Variants in CTNNA2 observed in about 807,000 individuals in gnomAD.
CTNNA2 encodes catenin alpha-2.
In CTNNA2, 42 loss-of-function variants were observed where a neutral mutation model predicts 101.0. The ratio of observed to expected loss-of-function variants is 0.42; its 90% CI spans 0.32 to 0.54. CTNNA2 has a LOEUF of 0.54. CTNNA2 is among the 20% of genes least tolerant of loss of function. The probability of loss-of-function intolerance (pLI) is 0.14; values close to 1 mark genes in which losing one functional copy is unlikely to be tolerated. For synonymous variants in CTNNA2, 450 were observed against 456.4 expected, an observed-to-expected ratio of 0.99 and a Z score of 0.18; for missense variants, 871 against 1,223.1, an observed-to-expected ratio of 0.71 and a Z score of 4.29.
chr2:80,476,383 G>C (rs1685731104), intron 9 of CTNNA2, among the ~76,000 whole-genome samples: 1 of 152,018 alleles, frequency 6.6e-6, no homozygotes, highest in Non-Finnish European at 1.5e-5. Context: ...ACTTCTCCAG[G>C]GGAAAAGGTG....
intron 7 of CTNNA2, among the ~76,000 whole-genome samples, chr2:80,012,001 C>G (rs898835317): frequency 1.3e-5 from 2 of 152,090 alleles, no homozygotes. Context: ...ATTACTGGGG[C>G]GATAACTTGA....
chr2:79,800,130 C>A (rs1384560925), intron 3 of CTNNA2, among the ~76,000 whole-genome samples: 1 of 152,106 alleles, frequency 6.6e-6, no homozygotes, highest in African/African-American at 2.4e-5. Context: ...AAATAAAATA[C>A]AAGAGAACTC....
chr2:79,289,617 C>A (rs977427671), intron 2 of CTNNA2, among the ~76,000 whole-genome samples: 1 of 152,038 alleles, frequency 6.6e-6, no homozygotes, highest in African/African-American at 2.4e-5. Context: ...TAGTGATGTG[C>A]GCCTGTAATC....
intron 7 of CTNNA2, among the ~76,000 whole-genome samples, chr2:79,999,920 C>G (rs1000715145): frequency 6.6e-6 from 1 of 152,104 alleles, no homozygotes; most frequent in African/African-American, 2.4e-5. Context: ...AATTTTAACT[C>G]AGCAGAATGT....
chr2:80,621,747 T>C (rs1342349251), intron 18 of CTNNA2, among the ~76,000 whole-genome samples: 1 of 142,516 alleles, frequency 7.0e-6, no homozygotes, highest in African/African-American at 2.4e-5. Context: ...TATGGAACTA[T>C]GTACTATGGG....
chr2:79,774,924 T>C (rs1326856051), intron 3 of CTNNA2, among the ~76,000 whole-genome samples: 1 of 152,212 alleles, frequency 6.6e-6, no homozygotes, highest in Non-Finnish European at 1.5e-5. Context: ...ATTGTTCCTA[T>C]ATTGCAGATT....
intron 9 of CTNNA2, among the ~76,000 whole-genome samples, chr2:80,468,233 A>G (rs1257739960): frequency 6.6e-6 from 1 of 152,162 alleles, no homozygotes; most frequent in Non-Finnish European, 1.5e-5. Flanking sequence ...AATAAACTAA[A>G]TACAATTTAA....
At chr2:79,220,715 A>T (rs975960581) in intron 2 of CTNNA2, among the ~76,000 whole-genome samples, 1 of 152,156 alleles carries the variant, frequency 6.6e-6, no homozygotes, top group Non-Finnish European at 1.5e-5. Context: ...GAAACTGGGA[A>T]ATTGAAAAAA....
chr2:80,630,347 C>T (rs1283658649), intron 18 of CTNNA2, among the ~76,000 whole-genome samples: 2 of 152,126 alleles, frequency 1.3e-5, no homozygotes, highest in African/African-American at 2.4e-5. Context: ...GTCTCTCTGT[C>T]TCTCTGTACA....
At chr2:80,075,683 A>AAT in intron 7 of CTNNA2, among the ~76,000 whole-genome samples, 1 of 80,322 alleles carries the variant, frequency 1.2e-5, no homozygotes, top group African/African-American at 5.4e-5. Context: ...AATATTATAA[A>AAT]AATAATATTT....
chr2:79,432,212 G>T lies in CTNNA2; in HGVS notation c.-135+58199G>T, dbSNP rs1678666131. 1.3e-5 allele frequency among the ~76,000 whole-genome samples: 2 copies of T among 152,120 alleles called. 1 individual carries two copies. Among genetic ancestry groups the T allele is most frequent in the South Asian group, 4.1e-4 (2 of 4,824 alleles). On this transcript the variant is annotated intron_variant, in intron 4 of 21. Coordinates refer to the CTNNA2 transcript ENST00000466387. ...TTATAATACTAGGATGGAACGACAA[G>T]TATTTGCAAAGTACGATTATGATAA...
At chr2:79,563,452 A>G (rs1674919140) in intron 1 of CTNNA2, among the ~76,000 whole-genome samples, 3 of 151,984 alleles carry the variant, frequency 2.0e-5, no homozygotes, top group Non-Finnish European at 2.9e-5. Context: ...TTTCAGGTTC[A>G]CTGTATAGGG....
At chr2:79,615,809 C>A (rs182330627) in intron 1 of CTNNA2, among the ~76,000 whole-genome samples, 2 of 152,068 alleles carry the variant, frequency 1.3e-5, no homozygotes, top group Non-Finnish European at 2.9e-5. Context: ...GAACCATTTC[C>A]GCAATATGAA....
intron 3 of CTNNA2, among the ~76,000 whole-genome samples, chr2:79,771,690 C>T (rs539209359): frequency 3.9e-5 from 6 of 152,248 alleles, no homozygotes; most frequent in South Asian, 4.1e-4. Flanking sequence ...GGAGCTCAGG[C>T]GGTAATGCCA....
intron 7 of CTNNA2, among the ~76,000 whole-genome samples, chr2:80,166,296 C>T (rs983449923): frequency 6.6e-6 from 1 of 152,166 alleles, no homozygotes; most frequent in Non-Finnish European, 1.5e-5. Flanking sequence ...GGAACTTTCA[C>T]CCCCACTCTA....
At chr2:80,553,079 C>A (rs1357653155) in intron 11 of CTNNA2, among the ~76,000 whole-genome samples, 1 of 138,286 alleles carries the variant, frequency 7.2e-6, no homozygotes, top group Admixed American at 7.1e-5. Flanking sequence ...AAAAAAAAAT[C>A]CAGGTGTGAT....
chr2:80,431,810 C>A (rs1477615043), intron 9 of CTNNA2, among the ~76,000 whole-genome samples: 1 of 152,166 alleles, frequency 6.6e-6, no homozygotes, highest in East Asian at 1.9e-4. Flanking sequence ...CTGTGCCTGT[C>A]ACATACCAAA....
intron 4 of CTNNA2, among the ~76,000 whole-genome samples, chr2:79,432,210 A>C (rs1678666077): frequency 6.6e-6 from 1 of 152,194 alleles, no homozygotes. Context: ...ATGGAACGAC[A>C]AGTATTTGCA....
chr2:80,176,090 A>T (rs1396739904), intron 7 of CTNNA2, among the ~76,000 whole-genome samples: 1 of 152,200 alleles, frequency 6.6e-6, no homozygotes, highest in African/African-American at 2.4e-5. Context: ...ACATCCAGGA[A>T]CAATACTTTG....
Sources: allele counts gnomAD v4.1 joint callset (sites outside exome capture counted in the v4.1 genomes callset), GRCh38; gene constraint gnomAD v4.1.1; transcripts MANE v1.5; gene names NCBI Gene and HGNC (gene_info 2026-07-23, HGNC 2026-07-21).